CHST12: variants seen among roughly 807,000 people sequenced by gnomAD.
CHST12 encodes carbohydrate (chondroitin 4) sulfotransferase 12.
In CHST12, 23 loss-of-function variants were observed where a neutral mutation model predicts 27.9. That is an observed-to-expected ratio of 0.82 (90% confidence interval 0.59 to 1.17). The LOEUF (loss-of-function observed/expected upper bound fraction) is 1.17, where lower values mean the gene tolerates loss of function less well. CHST12 is among the 50% of genes most tolerant of loss of function. The probability of loss-of-function intolerance (pLI) is 0.00; values close to 1 mark genes in which losing one functional copy is unlikely to be tolerated. For synonymous variants in CHST12, 322 were observed against 273.0 expected, an observed-to-expected ratio of 1.18 and a Z score of -1.77; for missense variants, 682 against 603.0, an observed-to-expected ratio of 1.13 and a Z score of -1.37.
At position 2,437,812 on chromosome 7, in the gene CHST12, G is replaced by A. The variant is rs917809496; in HGVS notation, c.*3928G>A. On this transcript the variant is annotated 3_prime_UTR_variant, in exon 2 of 2. Transcript: ENST00000618655. ...TTGTTTCCTTCTTCCAGAGGGTGTA[G>A]GAGTTGTGTTCCAAGTTTGTTCCTG... The A allele has an allele frequency of 4.6e-5, 7 of 152,244 alleles. No homozygotes were observed. Among genetic ancestry groups the A allele is most frequent in the Non-Finnish European group, 8.8e-5 (6 of 68,142 alleles). 9.4% of individuals were successfully genotyped at this position (152,244 alleles called of 1,614,324 possible). A position where few individuals can be genotyped will look rare whatever the true frequency, so the allele number is the denominator to read the frequency against.
At chr7:2,411,136 A>G (rs1447882360) in intron 1 of CHST12, among the ~76,000 whole-genome samples, 1 of 152,058 alleles carries the variant, frequency 6.6e-6, no homozygotes, top group East Asian at 1.9e-4. Context: ...GGGCTGGAGT[A>G]CAGTGGTGTG....
At chr7:2,415,975 G>A (rs528901325) in intron 1 of CHST12, among the ~76,000 whole-genome samples, 1 of 152,076 alleles carries the variant, frequency 6.6e-6, no homozygotes, top group South Asian at 2.1e-4. Context: ...TTTACAAAAG[G>A]TTTTCCTGTA....
intron 1 of CHST12, among the ~76,000 whole-genome samples, chr7:2,421,386 C>T (rs1465468596): frequency 6.6e-6 from 1 of 151,172 alleles, no homozygotes; most frequent in African/African-American, 2.4e-5. Context: ...GCTGAGACTA[C>T]AGGCACACAC....
chr7:2,407,720 A>AG (rs1408650751), intron 1 of CHST12, among the ~76,000 whole-genome samples: 1 of 152,030 alleles, frequency 6.6e-6, no homozygotes, highest in African/African-American at 2.4e-5. Context: ...CACTGAGGTC[A>AG]GGAGTTCGAG....
At chr7:2,427,406 C>A (rs1365842170) in intron 1 of CHST12, among the ~76,000 whole-genome samples, 1 of 150,690 alleles carries the variant, frequency 6.6e-6, no homozygotes, top group African/African-American at 2.4e-5. Context: ...AAGGCTGAGA[C>A]GGGAGGATCA....
At chr7:2,422,487 C>T (rs1273341154) in intron 1 of CHST12, among the ~76,000 whole-genome samples, 3 of 152,062 alleles carry the variant, frequency 2.0e-5, no homozygotes, top group Non-Finnish European at 4.4e-5. Context: ...TCAGGTGATC[C>T]ACCCGCCTCG....
intron 1 of CHST12, among the ~76,000 whole-genome samples, chr7:2,411,301 T>C (rs1781658204): frequency 6.6e-6 from 1 of 152,080 alleles, no homozygotes; most frequent in Admixed American, 6.6e-5. Flanking sequence ...AAGCTGATCT[T>C]GAACTCCTGG....
intron 1 of CHST12, among the ~76,000 whole-genome samples, chr7:2,412,263 G>A (rs1393214137): frequency 3.3e-5 from 5 of 152,192 alleles, no homozygotes; most frequent in African/African-American, 7.2e-5. Flanking sequence ...GAGGTACCGC[G>A]TGAAAATGTG....
chr7:2,421,227 C>CTTTTTTTTTTTT (rs60332594), intron 1 of CHST12, among the ~76,000 whole-genome samples: 4 of 92,006 alleles, frequency 4.3e-5, no homozygotes, highest in East Asian at 3.7e-4. Context: ...CCTGCTAATT[C>CTTTTTTTTTTTT]TTTTTTTTTT....
chr7:2,410,320 G>A (rs1781634865), intron 1 of CHST12, among the ~76,000 whole-genome samples: 1 of 152,186 alleles, frequency 6.6e-6, no homozygotes, highest in Non-Finnish European at 1.5e-5. Flanking sequence ...TTAAGTCAGT[G>A]CAGGAAGACA....
chr7:2,428,582 G>A (rs572744535), intron 1 of CHST12, among the ~76,000 whole-genome samples: 64 of 152,260 alleles, frequency 4.2e-4, no homozygotes, highest in Non-Finnish European at 6.8e-4. Flanking sequence ...TAGTGAGGGC[G>A]GGGGTAGGTT....
In CHST12 at chr7:2,434,941, C is replaced by CGTGGTGGTG. The variant is rs1562522772; in HGVS notation, c.*1058_*1066dup. 1 of 151,478 alleles carries CGTGGTGGTG rather than the reference C, an allele frequency of 6.6e-6. No individual in the cohort carries two copies. Among genetic ancestry groups the CGTGGTGGTG allele is most frequent in the African/African-American group, 2.4e-5 (1 of 41,146 alleles). 9.4% of individuals were successfully genotyped at this position (151,478 alleles called of 1,614,324 possible). On this transcript the variant is annotated 3_prime_UTR_variant, in exon 2 of 2. Coordinates refer to ENST00000618655, the MANE Select transcript of CHST12 (RefSeq NM_018641.5). ...TCATCTCTACAAAAAATAAAAAGGA[C>CGTGGTGGTG]GTGGTGGTGCACATCTGTAAACCCA...
At chr7:2,419,305 G>A (rs537783000) in intron 1 of CHST12, among the ~76,000 whole-genome samples, 2 of 151,094 alleles carry the variant, frequency 1.3e-5, no homozygotes, top group Non-Finnish European at 2.9e-5. Context: ...CTACTCAGGA[G>A]GCTGAGGTGG....
At chr7:2,432,330 G>A (rs974556604) in intron 1 of CHST12, among the ~76,000 whole-genome samples, 18 of 152,002 alleles carry the variant, frequency 1.2e-4, no homozygotes, top group South Asian at 4.2e-4. Context: ...AGTACTGCCA[G>A]CCAGGGAAGC....
chr7:2,416,491 T>C (rs939331642), intron 1 of CHST12, among the ~76,000 whole-genome samples: 2 of 152,250 alleles, frequency 1.3e-5, no homozygotes, highest in African/African-American at 4.8e-5. Flanking sequence ...GGAATCACTA[T>C]GGCAGCTTTA....
chr7:2,426,997 GA>G (rs942880560), intron 1 of CHST12, among the ~76,000 whole-genome samples: 15 of 150,630 alleles, frequency 1.0e-4, no homozygotes. Context: ...TCTCACAAAA[GA>G]AAAAGAGAGA....
At chr7:2,408,340 C>T (rs1781574959) in intron 1 of CHST12, among the ~76,000 whole-genome samples, 1 of 127,510 alleles carries the variant, frequency 7.8e-6, no homozygotes, top group East Asian at 2.3e-4. Context: ...CCAGCCCGGG[C>T]AACAAGGGTG....
In CHST12 at chr7:2,435,140, CAGG is replaced by C. The variant is rs1782441996; in HGVS notation, c.*1259_*1261del. On this transcript the variant is annotated 3_prime_UTR_variant, in exon 2 of 2. Coordinates refer to ENST00000618655, the MANE Select transcript of CHST12 (RefSeq NM_018641.5). ...CTGAGGCAGGAGGATCGCTGGAGCC[CAGG>C]AGTTCAAGGCTGCAGTGACCTATGA... The C allele has an allele frequency of 6.6e-6, 1 of 152,240 alleles. No homozygotes were observed. The highest frequency in any genetic ancestry group is 2.4e-5 in the African/African-American group (1 of 41,446). The allele number at this position is 152,240 out of a possible 1,614,324, so 9.4% of individuals were successfully genotyped here.
chr7:2,415,271 C>T (rs1255346307), intron 1 of CHST12, among the ~76,000 whole-genome samples: 1 of 151,580 alleles, frequency 6.6e-6, no homozygotes, highest in East Asian at 1.9e-4. Flanking sequence ...GAGGCTAAGG[C>T]AGGAGGATCA....
Sources: allele counts gnomAD v4.1 joint callset (sites outside exome capture counted in the v4.1 genomes callset), GRCh38; gene constraint gnomAD v4.1.1; transcripts MANE v1.5; gene names NCBI Gene and HGNC (gene_info 2026-07-23, HGNC 2026-07-21).